The following SPOCK3 variants were observed in gnomAD, a reference collection of about 807,000 sequenced individuals.
SPOCK3 encodes SPARC (osteonectin), cwcv and kazal like domains proteoglycan 3.
In SPOCK3, 30 loss-of-function variants were observed where a neutral mutation model predicts 56.6. The observed-to-expected ratio is 0.53, with a 90% CI of 0.40 to 0.72. The LOEUF is 0.72. Among genes scored for constraint, SPOCK3 ranks in the 30% least tolerant of loss-of-function variants. SPOCK3 has a pLI of 0.00. For missense variants in SPOCK3, 527 were observed against 530.0 expected, an observed-to-expected ratio of 0.99 and a Z score of 0.06; for synonymous variants, 196 against 183.3, an observed-to-expected ratio of 1.07 and a Z score of -0.56.
chr4:167,134,828 A>G (rs1453252670), intron 2 of SPOCK3, among the ~76,000 whole-genome samples: 2 of 152,078 alleles, frequency 1.3e-5, no homozygotes, highest in Non-Finnish European at 2.9e-5. Flanking sequence ...AGATATAACT[A>G]TGTAGCATAT....
intron 7 of SPOCK3, among the ~76,000 whole-genome samples, chr4:166,785,147 C>T (rs1740599292): frequency 6.6e-6 from 1 of 152,024 alleles, no homozygotes; most frequent in Admixed American, 6.6e-5. Flanking sequence ...AGTTGCATTT[C>T]CTTCAACTTC....
intron 6 of SPOCK3, among the ~76,000 whole-genome samples, chr4:166,821,450 T>C (rs1233212711): frequency 2.6e-5 from 4 of 151,964 alleles, no homozygotes; most frequent in African/African-American, 9.7e-5. Context: ...GTTAGAGAAA[T>C]GAAAACATAT....
In SPOCK3 at chr4:166,792,297, C is replaced by T. The variant is rs1165355842; in HGVS notation, c.590-8G>A. The T allele has an allele frequency of 6.2e-7, 1 of 1,613,562 alleles. No individual in the cohort carries two copies. Among genetic ancestry groups the T allele is most frequent in the East Asian group, 2.2e-5 (1 of 44,838 alleles). On this transcript the variant is annotated splice_polypyrimidine_tract_variant and splice_region_variant and intron_variant, in intron 6 of 10. Coordinates refer to ENST00000357545, the MANE Select transcript of SPOCK3 (RefSeq NM_001040159.2). Reference sequence around the variant, plus strand: ...ACTCCAGGTCACTGCATGCTAAAAACAGAGAAACAACACAAGTCTTGAATA... The same window carrying T: ...ACTCCAGGTCACTGCATGCTAAAAATAGAGAAACAACACAAGTCTTGAATA...
intron 3 of SPOCK3, among the ~76,000 whole-genome samples, chr4:167,053,944 G>A (rs1481413697): frequency 6.6e-6 from 1 of 152,028 alleles, no homozygotes; most frequent in East Asian, 1.9e-4. Context: ...TATATCTCTG[G>A]ATCTCTGTAT....
intron 2 of SPOCK3, among the ~76,000 whole-genome samples, chr4:167,223,053 T>A (rs1192517903): frequency 8.6e-6 from 1 of 116,242 alleles, no homozygotes; most frequent in Non-Finnish European, 1.7e-5. Flanking sequence ...TATGAATATA[T>A]ATTTTATATA....
chr4:166,741,681 T>C (rs538882477), intron 9 of SPOCK3, among the ~76,000 whole-genome samples: 8 of 152,312 alleles, frequency 5.3e-5, no homozygotes, highest in African/African-American at 1.9e-4. Context: ...ATATTTGCCA[T>C]CAATTCTTAA....
chr4:166,973,064 G>C (rs1033546102), intron 4 of SPOCK3, among the ~76,000 whole-genome samples: 41 of 152,072 alleles, frequency 2.7e-4, no homozygotes, highest in African/African-American at 9.2e-4. Flanking sequence ...TTAAGGAAGG[G>C]ACTTGGTGGG....
intron 3 of SPOCK3, among the ~76,000 whole-genome samples, chr4:167,014,276 G>GTT (rs35966501): frequency 0.014 from 1,928 of 138,902 alleles, 17 homozygotes; most frequent in Non-Finnish European, 0.02. Context: ...TCTTGAGTGG[G>GTT]TTTTTTTTTT....
chr4:166,796,414 T>G (rs1393363711), intron 6 of SPOCK3, among the ~76,000 whole-genome samples: 4 of 152,196 alleles, frequency 2.6e-5, no homozygotes, highest in African/African-American at 9.6e-5. Context: ...CATTTTATTG[T>G]GCATTATCTT....
intron 2 of SPOCK3, among the ~76,000 whole-genome samples, chr4:167,211,568 C>T (rs1409988820): frequency 6.6e-6 from 1 of 152,004 alleles, no homozygotes; most frequent in Non-Finnish European, 1.5e-5. Context: ...ATGCTGTTCT[C>T]GTGATAGTGT....
chr4:166,951,535 C>G lies in SPOCK3; in HGVS notation c.351-38792G>C, dbSNP rs1173978737. On this transcript the variant is annotated intron_variant, in intron 4 of 10. Coordinates refer to ENST00000357545, the MANE Select transcript of SPOCK3 (RefSeq NM_001040159.2). Reference sequence around the variant, plus strand: ...GGAACTGGTACCATTCCTTCTGAAACTATTCCAATCAATAGAAAAAGAGGG... The same window carrying G: ...GGAACTGGTACCATTCCTTCTGAAAGTATTCCAATCAATAGAAAAAGAGGG... Among the ~76,000 whole-genome samples, 106 of 140,398 alleles carry G rather than the reference C, an allele frequency of 7.5e-4. 19 individuals are homozygous for G. Among genetic ancestry groups the G allele is most frequent in the African/African-American group, 3.1e-3 (106 of 33,670 alleles). The allele number at this position is 140,398 out of a possible 152,430, so 92.1% of individuals were successfully genotyped here.
chr4:166,834,632 A>G (rs558611010), intron 6 of SPOCK3, among the ~76,000 whole-genome samples: 1 of 152,346 alleles, frequency 6.6e-6, no homozygotes, highest in East Asian at 1.9e-4. Context: ...TTCACAAAAT[A>G]TCTGAACTGC....
At chr4:166,816,558 A>G (rs1744406520) in intron 6 of SPOCK3, among the ~76,000 whole-genome samples, 1 of 151,962 alleles carries the variant, frequency 6.6e-6, no homozygotes, top group Admixed American at 6.6e-5. Flanking sequence ...TTTTTCCTTC[A>G]AGGACAAGCT....
chr4:167,114,227 G>C (rs951417222), intron 2 of SPOCK3, among the ~76,000 whole-genome samples: 1 of 152,162 alleles, frequency 6.6e-6, no homozygotes, highest in Non-Finnish European at 1.5e-5. Flanking sequence ...TAGCAAGTGA[G>C]TCAGTACTTG....
chr4:166,959,770 G>A (rs1743930761), intron 4 of SPOCK3, among the ~76,000 whole-genome samples: 1 of 151,944 alleles, frequency 6.6e-6, no homozygotes, highest in Non-Finnish European at 1.5e-5. Context: ...CTAAAGACCA[G>A]TAATACTATT....
chr4:166,800,183 G>GAAAAAAAA (rs367811359), intron 6 of SPOCK3, among the ~76,000 whole-genome samples: 1,212 of 51,632 alleles, frequency 0.023, 64 homozygotes, highest in African/African-American at 0.046. Flanking sequence ...CTCCATCTCA[G>GAAAAAAAA]AAAAAAAAAA....
chr4:166,864,264 T>C (rs1478906125), intron 6 of SPOCK3, among the ~76,000 whole-genome samples: 2 of 152,120 alleles, frequency 1.3e-5, no homozygotes, highest in Non-Finnish European at 2.9e-5. Context: ...CCAGAATCTC[T>C]AGGACACAGC....
chr4:167,153,920 T>C (rs1764608129), intron 2 of SPOCK3, among the ~76,000 whole-genome samples: 1 of 85,628 alleles, frequency 1.2e-5, no homozygotes, highest in Admixed American at 1.2e-4. Context: ...AACTAGGCTT[T>C]AATCACTGTC....
chr4:166,773,369 G>A (rs1739171224), intron 7 of SPOCK3, among the ~76,000 whole-genome samples: 2 of 152,162 alleles, frequency 1.3e-5, no homozygotes, highest in South Asian at 4.1e-4. Context: ...TAATTGTTAT[G>A]AGACTGTAAT....
Sources: allele counts gnomAD v4.1 joint callset (sites outside exome capture counted in the v4.1 genomes callset), GRCh38; gene constraint gnomAD v4.1.1; transcripts MANE v1.5; gene names NCBI Gene and HGNC (gene_info 2026-07-23, HGNC 2026-07-21).